Variants in MYO9A observed in about 807,000 individuals in gnomAD.
The protein encoded by MYO9A is unconventional myosin-IXa.
Under a neutral mutation model 293.3 loss-of-function variants are expected in MYO9A, and 103 were observed. The observed-to-expected ratio is 0.35, with a 90% confidence interval of 0.30 to 0.41. MYO9A has a LOEUF of 0.41. MYO9A is among the 10% of genes least tolerant of loss of function. The probability of loss-of-function intolerance (pLI) is 1.00; values close to 1 mark genes in which losing one functional copy is unlikely to be tolerated. For synonymous variants in MYO9A, 1,001 were observed against 1,035.7 expected, an observed-to-expected ratio of 0.97 and a Z score of 0.64; for missense variants, 2,685 against 3,033.0, an observed-to-expected ratio of 0.89 and a Z score of 2.69.
chr15:72,041,426 A>G (rs2078221863), intron 2 of MYO9A: 1 of 366,140 alleles, frequency 2.7e-6, no homozygotes, highest in Middle Eastern at 8.0e-4. Flanking sequence ...CGTTGTGAAC[A>G]GAAGGACAAA....
chr15:71,898,769 T>C lies in MYO9A; in HGVS notation c.3734A>G (p.Asp1245Gly), dbSNP rs138475438. 6,648 of 1,614,116 alleles carry C rather than the reference T, an allele frequency of 4.1e-3. 224 individuals are homozygous for C. The Admixed American group carries it at 0.071, about 17-fold the overall frequency. Residue 1245 changes from aspartate to glycine, a missense_variant, in exon 25 of 42, where the codon GAC becomes GGC. Around this residue, in one of 10 missense-constraint regions of MYO9A, gnomAD observed 1,434 missense variants for 1,497.7 expected, o/e 0.96. Coordinates refer to ENST00000356056, the MANE Select transcript of MYO9A (RefSeq NM_006901.4). Reference sequence around the variant, plus strand: ...TCTTACAAGCACATCTTCCTGCAAGTCCACACCACTCTGGCTTTGGGCTCT... The same window carrying C: ...TCTTACAAGCACATCTTCCTGCAAGCCCACACCACTCTGGCTTTGGGCTCT... Reference protein sequence around the residue: ...QERAQSQSGVDLQEDVLVRER... With the variant: ...QERAQSQSGVGLQEDVLVRER...
chr15:72,113,635 T>C (rs1465210081), intron 1 of MYO9A, among the ~76,000 whole-genome samples: 1 of 152,216 alleles, frequency 6.6e-6, no homozygotes, highest in African/African-American at 2.4e-5. Flanking sequence ...GTCAAAATTA[T>C]GGTGTGGGCC....
chr15:72,070,349 G>A (rs896511912), intron 1 of MYO9A, among the ~76,000 whole-genome samples: 2 of 151,718 alleles, frequency 1.3e-5, no homozygotes, highest in Non-Finnish European at 2.9e-5. Flanking sequence ...AGCTACTCGG[G>A]AGGCTGAGGC....
intron 15 of MYO9A, 80 bp downstream of exon 15, chr15:71,951,697 C>T: frequency 6.4e-7 from 1 of 1,568,164 alleles, no homozygotes. Flanking sequence ...CAATCTATAT[C>T]CCACCCTGGT....
intron 15 of MYO9A, 111 bp downstream of exon 15, chr15:71,951,666 A>G: frequency 8.0e-7 from 1 of 1,245,788 alleles, no homozygotes; most frequent in Non-Finnish European, 1.1e-6. Context: ...TCAGAGGTTT[A>G]TGGAGGCCAT....
At chr15:71,886,211 A>G (rs1023482595) in intron 27 of MYO9A, among the ~76,000 whole-genome samples, 71 of 151,144 alleles carry the variant, frequency 4.7e-4, no homozygotes, top group African/African-American at 6.3e-4. Flanking sequence ...AAAAAAAAAA[A>G]AAAGAAAGAG....
rs1263052500 is a variant in MYO9A at position 71,898,357 on chromosome 15, A to G, written c.4146T>C (p.Ser1382=). 1.2e-6 allele frequency: 2 copies of G among 1,613,548 alleles called. No individual in the cohort carries two copies. The highest frequency in any genetic ancestry group is 8.5e-7 in the Non-Finnish European group (1 of 1,180,044). The stretch of plus-strand genomic sequence containing the variant: ...TAGTTCCATCCTTCAAATGCTCTGC[A>G]CTGCTAGTCTCATTTGAGGCACTGA... ...NALSASNETS[S]AEHLKDGTMK... is the part of the protein sequence containing the mutation. The change falls in exon 25 of 42, where the codon AGT becomes AGC. Residue 1382 remains serine, a synonymous_variant. Coordinates refer to ENST00000356056, the MANE Select transcript of MYO9A (RefSeq NM_006901.4).
chr15:71,889,898 C>T (rs1596117202), intron 26 of MYO9A: 1 of 152,140 alleles, frequency 6.6e-6, no homozygotes, highest in Admixed American at 6.5e-5. Flanking sequence ...ATAAAATACA[C>T]ATATAAATAC....
At chr15:71,924,869 G>A (rs942241689) in intron 18 of MYO9A, among the ~76,000 whole-genome samples, 2 of 151,670 alleles carry the variant, frequency 1.3e-5, no homozygotes, top group African/African-American at 4.8e-5. Flanking sequence ...GCAGCAAGCC[G>A]AGATCGTGTC....
chr15:71,972,697 G>T (rs1469285932), intron 12 of MYO9A, among the ~76,000 whole-genome samples: 1 of 151,928 alleles, frequency 6.6e-6, no homozygotes, highest in Non-Finnish European at 1.5e-5. Flanking sequence ...AATAACTGGT[G>T]TCAGAGAAGT....
At chr15:71,911,610 T>C (rs1407522230) in intron 19 of MYO9A, among the ~76,000 whole-genome samples, 1 of 152,148 alleles carries the variant, frequency 6.6e-6, no homozygotes, top group African/African-American at 2.4e-5. Flanking sequence ...TATGACTGAT[T>C]ATATTAGGAG....
chr15:71,883,303 G>A (rs2056926514), intron 28 of MYO9A, among the ~76,000 whole-genome samples: 1 of 152,106 alleles, frequency 6.6e-6, no homozygotes, highest in Non-Finnish European at 1.5e-5. Context: ...TTAAATGAAT[G>A]AATAATGGCT....
chr15:72,014,767 A>C (rs920507101), intron 6 of MYO9A, among the ~76,000 whole-genome samples: 2 of 148,172 alleles, frequency 1.3e-5, no homozygotes, highest in Non-Finnish European at 3.0e-5. Flanking sequence ...AGAAAGAAAG[A>C]AAGAGAAAGA....
Position 72,017,087 on chromosome 15 carries a change from C to T in MYO9A, c.1155+1952G>A, listed in dbSNP as rs575595236. On this transcript the variant is annotated intron_variant, in intron 6 of 41. Transcript: ENST00000356056. ...CCACGCTGGAGTGTAATGGTGTGAT[C>T]TTGTCTCGCTGTAGCCTCAACCTCC... Among the ~76,000 whole-genome samples the T allele has an allele frequency of 2.6e-5, 3 of 116,012 alleles. No individual in the cohort carries two copies. The East Asian group carries it at 8.9e-4, about 34-fold the overall frequency. 76.1% of individuals were successfully genotyped at this position (116,012 alleles called of 152,430 possible).
chr15:71,881,811 A>C (rs2056881965), intron 28 of MYO9A, among the ~76,000 whole-genome samples: 1 of 152,220 alleles, frequency 6.6e-6, no homozygotes, highest in African/African-American at 2.4e-5. Flanking sequence ...CTTTCTCAAG[A>C]ATTAGCAGCA....
intron 1 of MYO9A, among the ~76,000 whole-genome samples, chr15:72,085,571 C>G (rs981976661): frequency 2.0e-5 from 3 of 152,126 alleles, no homozygotes. Flanking sequence ...TCAGTGCACT[C>G]CTGCATCTCT....
intron 39 of MYO9A, among the ~76,000 whole-genome samples, chr15:71,839,934 TAAG>T (rs1011201834): frequency 6.6e-6 from 1 of 152,334 alleles, no homozygotes; most frequent in Admixed American, 6.5e-5. Context: ...ACCTCATTTG[TAAG>T]TAGTTATGAA....
rs1595982102 is a variant in MYO9A at position 71,830,329 on chromosome 15, T to C, written c.6838-18A>G. On this transcript the variant is annotated intron_variant, in intron 39 of 41. Coordinates refer to ENST00000356056, the MANE Select transcript of MYO9A (RefSeq NM_006901.4). ...CCCTTTCCCTGCAGAGAAAAATTCATGTTAGAAAGTAAATTGAGTGACTGC... is the reference window on the plus strand; with the variant it reads ...CCCTTTCCCTGCAGAGAAAAATTCACGTTAGAAAGTAAATTGAGTGACTGC... 6.2e-7 allele frequency: 1 copy of C among 1,610,898 alleles called. No homozygotes were observed. Among genetic ancestry groups the C allele is most frequent in the Non-Finnish European group, 8.5e-7 (1 of 1,178,348 alleles).
At chr15:72,023,083 A>G (rs1413405582) in intron 4 of MYO9A, among the ~76,000 whole-genome samples, 2 of 152,222 alleles carry the variant, frequency 1.3e-5, no homozygotes, top group Admixed American at 1.3e-4. Flanking sequence ...CACCAAATAG[A>G]GACTAATATA....
Sources: allele counts gnomAD v4.1 joint callset (sites outside exome capture counted in the v4.1 genomes callset), GRCh38; gene constraint gnomAD v4.1.1; regional missense constraint gnomAD v4.1.1; transcripts MANE v1.5; gene names NCBI Gene and HGNC (gene_info 2026-07-23, HGNC 2026-07-21).